Variants in TANGO6 observed in about 807,000 individuals in gnomAD.
TANGO6 encodes the protein transport and golgi organization 6 homolog, also known as transport and Golgi organization protein 6 homolog.
In TANGO6, 90 loss-of-function variants were observed where a neutral mutation model predicts 114.2. The ratio of observed to expected loss-of-function variants is 0.79; its 90% CI spans 0.66 to 0.94. TANGO6 has a LOEUF of 0.94. Among genes scored for constraint, TANGO6 ranks in the 40% least tolerant of loss-of-function variants. The pLI, the probability that TANGO6 is intolerant of heterozygous loss-of-function variation, is 0.00. For synonymous variants in TANGO6, 477 were observed against 509.8 expected (o/e 0.94, Z 0.87); for missense variants, 1,274 against 1,315.3 (o/e 0.97, Z 0.49).
At chr16:68,854,478 A>G (rs1961954120) in intron 1 of TANGO6, among the ~76,000 whole-genome samples, 3 of 152,136 alleles carry the variant, frequency 2.0e-5, no homozygotes, top group African/African-American at 7.2e-5. Context: ...AAATAAAACA[A>G]AAAACAAGAA....
At chr16:69,004,570 G>A (rs2152222165) in intron 15 of TANGO6, among the ~76,000 whole-genome samples, 1 of 152,108 alleles carries the variant, frequency 6.6e-6, no homozygotes, top group African/African-American at 2.4e-5. Context: ...TGGTCAGGCT[G>A]GTCTCAAACT....
chr16:68,943,403 A>T (rs1350939712), intron 14 of TANGO6, among the ~76,000 whole-genome samples: 6 of 144,414 alleles, frequency 4.2e-5, no homozygotes, highest in African/African-American at 1.5e-4. Flanking sequence ...TCGCTCTGTC[A>T]CCCAGGCTGG....
chr16:68,919,036 AT>A (rs3833052), intron 11 of TANGO6, 48 bp from the exon 12 acceptor site: 14,184 of 1,262,770 alleles, frequency 0.011, 42 homozygotes, highest in South Asian at 0.026. Flanking sequence ...GAGAATTATG[AT>A]TTTTTTTTTT....
chr16:69,048,157 ACTGCTGCCT>A (rs1354790300), intron 17 of TANGO6, among the ~76,000 whole-genome samples: 1 of 151,518 alleles, frequency 6.6e-6, no homozygotes, highest in Non-Finnish European at 1.5e-5. Flanking sequence ...ATATCAGCTC[ACTGCTGCCT>A]CTGCCTCCTG....
chr16:68,964,149 T>C (rs1189534970), intron 14 of TANGO6, among the ~76,000 whole-genome samples: 1 of 152,082 alleles, frequency 6.6e-6, no homozygotes, highest in African/African-American at 2.4e-5. Flanking sequence ...CATTCAAAAT[T>C]CAAAATATTC....
intron 17 of TANGO6, among the ~76,000 whole-genome samples, chr16:69,064,391 CTG>C (rs1960183987): frequency 6.6e-6 from 1 of 152,158 alleles, no homozygotes; most frequent in African/African-American, 2.4e-5. Flanking sequence ...TGACCTGAGG[CTG>C]TGTGATCAGA....
intron 14 of TANGO6, among the ~76,000 whole-genome samples, chr16:68,939,942 T>C (rs1963334861): frequency 6.6e-6 from 1 of 152,152 alleles, no homozygotes; most frequent in African/African-American, 2.4e-5. Flanking sequence ...ATTCATGAAC[T>C]TGGGGTCAGG....
chr16:68,949,112 G>A (rs915471366), intron 14 of TANGO6, among the ~76,000 whole-genome samples: 1 of 152,302 alleles, frequency 6.6e-6, no homozygotes, highest in Admixed American at 6.5e-5. Context: ...CTTGAACCTG[G>A]GAGGGGCAGG....
At chr16:68,881,393 AATC>A (rs1223944315) in intron 7 of TANGO6, among the ~76,000 whole-genome samples, 1 of 152,162 alleles carries the variant, frequency 6.6e-6, no homozygotes, top group East Asian at 1.9e-4. Context: ...ACACACCTGT[AATC>A]CCAGCTACTT....
intron 17 of TANGO6, among the ~76,000 whole-genome samples, chr16:69,057,521 T>C (rs898932354): frequency 2.6e-5 from 4 of 152,150 alleles, no homozygotes; most frequent in Non-Finnish European, 5.9e-5. Flanking sequence ...TCAACAACTA[T>C]TAAATGGCAG....
At chr16:68,987,582 T>TGG (rs1203864951) in intron 15 of TANGO6, among the ~76,000 whole-genome samples, 1 of 152,204 alleles carries the variant, frequency 6.6e-6, no homozygotes, top group East Asian at 1.9e-4. Context: ...TTGCCCAGGC[T>TGG]GGTCTCGAAC....
chr16:68,927,755 T>C lies in TANGO6; in HGVS notation c.2315T>C (p.Leu772Pro). 6.2e-7 allele frequency: 1 copy of C among 1,613,848 alleles called. No homozygotes were observed. The highest frequency in any genetic ancestry group is 8.5e-7 in the Non-Finnish European group (1 of 1,179,870). Residue 772 changes from leucine (L) to proline (P), a missense_variant, in exon 13 of 18, where the codon CTG becomes CCG. Leu to Pro is a moderately conservative substitution (Grantham distance 98). Transcript: ENST00000261778. ...CAAAGTACACTGAACAGAAAAGATC[T>C]GGAAGGGAAAATAGAAGAGCAGCAA... ...AAQSTLNRKD[L>P]EGKIEEQQQT...
chr16:68,846,056 G>A (rs1238590624), intron 1 of TANGO6, among the ~76,000 whole-genome samples: 3 of 151,000 alleles, frequency 2.0e-5, no homozygotes, highest in Non-Finnish European at 4.4e-5. Flanking sequence ...ATGGAATTTC[G>A]CTCTTGTTGC....
chr16:68,908,520 CAA>C (rs10716493), intron 10 of TANGO6, among the ~76,000 whole-genome samples: 2 of 150,796 alleles, frequency 1.3e-5, no homozygotes, highest in Non-Finnish European at 3.0e-5. Flanking sequence ...ACCAAAAATA[CAA>C]AAAAAAAATC....
intron 14 of TANGO6, among the ~76,000 whole-genome samples, chr16:68,961,299 A>G (rs1038468624): frequency 2.0e-5 from 3 of 152,240 alleles, no homozygotes; most frequent in African/African-American, 7.2e-5. Context: ...CACTGCTGCC[A>G]GGTGCGCTGT....
intron 11 of TANGO6, among the ~76,000 whole-genome samples, chr16:68,910,434 T>C (rs1962907060): frequency 6.6e-6 from 1 of 152,174 alleles, no homozygotes; most frequent in Non-Finnish European, 1.5e-5. Context: ...CCTTATGTTT[T>C]TGTCTCAGGA....
intron 14 of TANGO6, among the ~76,000 whole-genome samples, chr16:68,932,443 A>T (rs143492168): frequency 2.6e-5 from 4 of 152,286 alleles, no homozygotes; most frequent in African/African-American, 9.6e-5. Context: ...AGCATAAGGA[A>T]ATATGATGAC....
At chr16:68,894,185 G>T (rs1233650073) in intron 7 of TANGO6, among the ~76,000 whole-genome samples, 1 of 152,204 alleles carries the variant, frequency 6.6e-6, no homozygotes, top group African/African-American at 2.4e-5. Flanking sequence ...GGCTGAATCA[G>T]TCCAGCCTCT....
At chr16:69,059,003 G>A (rs1459329293) in intron 17 of TANGO6, among the ~76,000 whole-genome samples, 2 of 151,290 alleles carry the variant, frequency 1.3e-5, no homozygotes, top group Non-Finnish European at 1.5e-5. Flanking sequence ...TGCCTCCCAG[G>A]TCTAAGTGAT....
Sources: allele counts gnomAD v4.1 joint callset (sites outside exome capture counted in the v4.1 genomes callset), GRCh38; gene constraint gnomAD v4.1.1; transcripts MANE v1.5; gene names NCBI Gene and HGNC (gene_info 2026-07-23, HGNC 2026-07-21).